SEPTIN9: variants seen among roughly 807,000 people sequenced by gnomAD.
The protein encoded by SEPTIN9 is septin 9.
A neutral mutation model predicts 56.6 loss-of-function variants in SEPTIN9; 13 were observed. The ratio of observed to expected loss-of-function variants is 0.23; its 90% confidence interval spans 0.15 to 0.37. The LOEUF (loss-of-function observed/expected upper bound fraction) is 0.37, where lower values mean the gene tolerates loss of function less well. SEPTIN9 is among the 10% of genes least tolerant of loss of function. The pLI, the probability that SEPTIN9 is intolerant of heterozygous loss-of-function variation, is 1.00. For missense variants in SEPTIN9, 650 were observed against 823.1 expected (o/e 0.79, Z 2.57); for synonymous variants, 332 against 334.1 (o/e 0.99, Z 0.07).
At chr17:77,302,682 T>A (rs968463589) in intron 1 of SEPTIN9, among the ~76,000 whole-genome samples, 2 of 151,892 alleles carry the variant, frequency 1.3e-5, no homozygotes, top group African/African-American at 4.8e-5. Context: ...CATCTCTAAA[T>A]AAATAAATAA....
intron 2 of SEPTIN9, among the ~76,000 whole-genome samples, chr17:77,338,903 T>G (rs2033641884): frequency 6.6e-6 from 1 of 152,246 alleles, no homozygotes; most frequent in African/African-American, 2.4e-5. Context: ...CTAAATCTTT[T>G]GTTGTCATTT....
chr17:77,378,275 G>A (rs1249453567), intron 2 of SEPTIN9, among the ~76,000 whole-genome samples: 2 of 152,174 alleles, frequency 1.3e-5, no homozygotes, highest in South Asian at 4.1e-4. Flanking sequence ...GTGCTTTGGA[G>A]GAGTGAGGGG....
intron 2 of SEPTIN9, among the ~76,000 whole-genome samples, chr17:77,358,241 T>C (rs1170991083): frequency 1.3e-5 from 2 of 152,190 alleles, no homozygotes; most frequent in Non-Finnish European, 1.5e-5. Context: ...CCCAGCCTAC[T>C]CTGGGCACGT....
At chr17:77,403,242 C>T (rs181976504) in intron 3 of SEPTIN9, among the ~76,000 whole-genome samples, 10 of 152,290 alleles carry the variant, frequency 6.6e-5, no homozygotes, top group African/African-American at 2.4e-4. Context: ...AGCCCATGGT[C>T]TGGTCCTCCT....
intron 3 of SEPTIN9, among the ~76,000 whole-genome samples, chr17:77,409,770 C>T (rs935317045): frequency 6.6e-6 from 1 of 152,200 alleles, no homozygotes; most frequent in Non-Finnish European, 1.5e-5. Flanking sequence ...CGAGCCTGTC[C>T]GGAGGGGCGC....
intron 2 of SEPTIN9, among the ~76,000 whole-genome samples, chr17:77,352,194 G>C (rs868390253): frequency 2.6e-5 from 4 of 151,370 alleles, no homozygotes; most frequent in African/African-American, 7.3e-5. Context: ...TCAGGAGATC[G>C]AGACCATCCT....
chr17:77,434,438 TTGTTG>T lies in SEPTIN9; in HGVS notation c.721+31742_721+31746del, dbSNP rs376298401. 2.4e-3 allele frequency among the ~76,000 whole-genome samples: 358 copies of T among 152,308 alleles called. 10 individuals carry two copies. In the South Asian group the frequency reaches 0.058, roughly 25 times the overall value. The stretch of plus-strand genomic sequence containing the variant: ...CTCCCTCGTCCTGCACATCCTTCCC[TTGTTG>T]TGTTGTCTCGCTAGCATATGAGCCC... On this transcript the variant is annotated intron_variant, in intron 3 of 11. Transcript: ENST00000427177. The surrounding 1 kb of genome is among the most constrained non-coding windows in gnomAD (Gnocchi z 5.0).
chr17:77,499,520 C>A lies in SEPTIN9; in HGVS notation c.*862C>A. On this transcript the variant is annotated 3_prime_UTR_variant, in exon 12 of 12. Transcript: ENST00000427177. ...TAAGCAAGTGAGTCTGGTGGAGGAG[C>A]TGAGGGAGGGAGCCATGGAAGGTGC... 1 of 467,830 alleles carries A rather than the reference C, an allele frequency of 2.1e-6. No individual in the cohort carries two copies. Among genetic ancestry groups the A allele is most frequent in the Admixed American group, 2.8e-5 (1 of 36,132 alleles). The allele number at this position is 467,830 out of a possible 1,614,324, so 29.0% of individuals were successfully genotyped here.
intron 1 of SEPTIN9, among the ~76,000 whole-genome samples, chr17:77,304,233 A>C (rs1005571417): frequency 6.6e-6 from 1 of 152,204 alleles, no homozygotes; most frequent in African/African-American, 2.4e-5. Flanking sequence ...TTTGTTCAAG[A>C]GCAGGGGATG....
At chr17:77,409,418 C>T (rs1014082642) in intron 3 of SEPTIN9, among the ~76,000 whole-genome samples, 5 of 152,170 alleles carry the variant, frequency 3.3e-5, no homozygotes, top group African/African-American at 1.2e-4. Flanking sequence ...TGCCAAGCAC[C>T]GTGCAGTGGT....
At chr17:77,307,299 T>A (rs1267232894) in intron 2 of SEPTIN9, 102 bp downstream of exon 2, 1 of 1,071,546 alleles carries the variant, frequency 9.3e-7, no homozygotes, top group Admixed American at 1.7e-5. Flanking sequence ...CTGGCTTCCC[T>A]GGATGAGTGG....
intron 3 of SEPTIN9, among the ~76,000 whole-genome samples, chr17:77,432,255 C>A (rs2037172969): frequency 1.3e-5 from 2 of 152,178 alleles, no homozygotes; most frequent in South Asian, 4.1e-4. Context: ...TGATGAGAAA[C>A]AAAGGTGTTC....
intron 1 of SEPTIN9, among the ~76,000 whole-genome samples, chr17:77,290,256 A>G (rs964226652): frequency 6.9e-6 from 1 of 144,822 alleles, no homozygotes; most frequent in African/African-American, 2.7e-5. Context: ...CTTAAAATAA[A>G]TTCTTTTTTT....
At chr17:77,297,323 G>A (rs944639668) in intron 1 of SEPTIN9, among the ~76,000 whole-genome samples, 6 of 152,176 alleles carry the variant, frequency 3.9e-5, no homozygotes, top group African/African-American at 1.4e-4. Context: ...CCCACCTCCA[G>A]GAGAAAGAGG....
Position 77,425,449 on chromosome 17 carries a change from G to T in SEPTIN9, c.721+22746G>T, listed in dbSNP as rs1325224712. On this transcript the variant is annotated intron_variant, in intron 3 of 11. Transcript: ENST00000427177. This position sits in a 1 kb window ranked among gnomAD's most constrained non-coding sequence, Gnocchi z 4.2. ...TGAAGCCCACCCGAGTGTCACTCTG[G>T]ATACAGCCCTCACCTCTTCCTGGCC... is the stretch of plus-strand genomic sequence containing the variant. 2.6e-5 allele frequency among the ~76,000 whole-genome samples: 4 copies of T among 152,168 alleles called. No individual in the cohort carries two copies. The highest frequency in any genetic ancestry group is 9.7e-5 in the African/African-American group (4 of 41,442).
At chr17:77,482,808 C>T (rs79242969) in intron 4 of SEPTIN9, 57,041 of 532,920 alleles carry the variant, frequency 0.11, 7,107 homozygotes, top group East Asian at 0.5. Flanking sequence ...CTGGTGGCCC[C>T]GGAGAGCTGG....
intron 2 of SEPTIN9, among the ~76,000 whole-genome samples, chr17:77,334,447 G>T (rs1303956840): frequency 6.8e-6 from 1 of 147,464 alleles, no homozygotes. Flanking sequence ...AAAAAATGTT[G>T]TTTCATATGT....
At chr17:77,442,156 G>A (rs1273473269) in intron 3 of SEPTIN9, 1 of 152,160 alleles carries the variant, frequency 6.6e-6, no homozygotes, top group African/African-American at 2.4e-5. Flanking sequence ...TTCACAGTCA[G>A]TTACAGATTA....
rs1293335762 is a variant in SEPTIN9, at chr17:77,475,545, G to A, written c.722-6599G>A. 1.9e-6 allele frequency: 3 copies of A among 1,612,816 alleles called. No homozygotes were observed. Among genetic ancestry groups the A allele is most frequent in the Non-Finnish European group, 2.5e-6 (3 of 1,179,734 alleles). The stretch of plus-strand genomic sequence containing the variant: ...TGGGCTCAAGTTTCTGGGAAGGCCT[G>A]CAGGTGGCCGTAGGGCTGCCGCAGG... On this transcript the variant is annotated intron_variant, in intron 3 of 11. Transcript: ENST00000427177. This position sits in a 1 kb window ranked among gnomAD's most constrained non-coding sequence, Gnocchi z 4.6.
Sources: gnomAD v4.1 joint callset for allele counts (sites outside exome capture counted in the v4.1 genomes callset) on GRCh38, gnomAD v4.1.1 for gene constraint, Gnocchi (gnomAD v3.1) non-coding constraint, MANE v1.5 for transcripts, NCBI Gene and HGNC (gene_info 2026-07-23, HGNC 2026-07-21) for gene names.